CC2D2B: variants seen among roughly 807,000 people sequenced by gnomAD.
The protein encoded by CC2D2B is coiled-coil and C2 domain containing 2B, also known as protein CC2D2B.
Under a neutral mutation model 161.2 loss-of-function variants are expected in CC2D2B, and 128 were observed. The observed-to-expected ratio is 0.79, with a 90% CI of 0.69 to 0.92. The LOEUF (loss-of-function observed/expected upper bound fraction) is 0.92, where lower values mean the gene tolerates loss of function less well. Ranked by LOEUF, CC2D2B falls within the 40% of genes least tolerant of loss-of-function variation. The probability of loss-of-function intolerance (pLI) is 0.00; values close to 1 mark genes in which losing one functional copy is unlikely to be tolerated. For missense variants in CC2D2B, 1,173 were observed against 1,375.1 expected, an observed-to-expected ratio of 0.85 and a Z score of 2.32; for synonymous variants, 391 against 449.8, an observed-to-expected ratio of 0.87 and a Z score of 1.65.
intron 11 of CC2D2B, among the ~76,000 whole-genome samples, chr10:95,959,987 G>A (rs970862473): frequency 1.3e-5 from 2 of 152,272 alleles, no homozygotes; most frequent in East Asian, 3.9e-4. Flanking sequence ...ATGGAGAATA[G>A]TGTATTTATT....
At chr10:95,955,673 T>C (rs1037961160) in intron 11 of CC2D2B, among the ~76,000 whole-genome samples, 182 bp downstream of exon 11, 1 of 152,202 alleles carries the variant, frequency 6.6e-6, no homozygotes, top group Non-Finnish European at 1.5e-5. Context: ...AGGGGTGCCA[T>C]GTGAAAATAG....
At position 95,983,696 on chromosome 10, in the gene CC2D2B, G is replaced by T; in HGVS notation, c.2173G>T (p.Ala725Ser). ...EFNFVSEEEM[A>S]KSKRFQLLQL... ...TAACTTCGTTTCTGAAGAGGAAATG[G>T]CAAAGAGTAAACGTTTCCAGCTATT... Residue 725 changes from alanine to serine, a missense_variant, in exon 19 of 35, where the codon GCA becomes TCA. This residue lies in a region of CC2D2B where 277 missense variants were observed against 420.6 expected (regional missense o/e 0.66). Coordinates refer to ENST00000646931, the MANE Select transcript of CC2D2B (RefSeq NM_001349008.3). 8.1e-7 allele frequency: 1 copy of T among 1,230,854 alleles called. No individual in the cohort carries two copies. Among genetic ancestry groups the T allele is most frequent in the Non-Finnish European group, 1.0e-6 (1 of 986,916 alleles). The allele number at this position is 1,230,854 out of a possible 1,614,324, so 76.2% of individuals were successfully genotyped here. A position where few individuals can be genotyped will look rare whatever the true frequency, so the allele number is the denominator to read the frequency against.
Position 95,938,881 on chromosome 10 carries a change from A to G in CC2D2B, c.757A>G (p.Arg253Gly). Residue 253 changes from arginine to glycine, a missense_variant, in exon 9 of 35, where the codon AGG becomes GGG. Physicochemically the swap from Arg to Gly is moderately radical, Grantham distance 125. Coordinates refer to ENST00000646931, the MANE Select transcript of CC2D2B (RefSeq NM_001349008.3). ...KQSWNFRLNV[R>G]KEPLNPLLKT... ...GTCATGGAATTTCAGACTAAATGTA[A>G]GGAAGGAACCTTTAAATCCATTACT... 1.4e-6 allele frequency: 1 copy of G among 714,852 alleles called. No individual in the cohort carries two copies. Among genetic ancestry groups the G allele is most frequent in the Non-Finnish European group, 2.6e-6 (1 of 384,116 alleles). The allele number at this position is 714,852 out of a possible 1,614,324, so 44.3% of individuals were successfully genotyped here. A position where few individuals can be genotyped will look rare whatever the true frequency, so the allele number is the denominator to read the frequency against.
intron 2 of CC2D2B, among the ~76,000 whole-genome samples, chr10:95,917,455 T>C (rs909332518): frequency 1.3e-5 from 2 of 152,122 alleles, no homozygotes; most frequent in East Asian, 1.9e-4. Context: ...CCTTCCTTCC[T>C]TCCATCCGTC....
At chr10:96,025,583 G>A (rs1265634140) in intron 33 of CC2D2B, among the ~76,000 whole-genome samples, 1 of 152,122 alleles carries the variant, frequency 6.6e-6, no homozygotes, top group African/African-American at 2.4e-5. Flanking sequence ...AGGACATGAA[G>A]GTAAATGACC....
chr10:96,005,068 A>G (rs1426802369), intron 25 of CC2D2B, among the ~76,000 whole-genome samples: 1 of 152,232 alleles, frequency 6.6e-6, no homozygotes, highest in Non-Finnish European at 1.5e-5. Flanking sequence ...CAACCATGAT[A>G]AATGCTGAAG....
intron 2 of CC2D2B, among the ~76,000 whole-genome samples, chr10:95,913,948 A>C (rs2098511165): frequency 6.6e-6 from 1 of 152,130 alleles, no homozygotes. Flanking sequence ...TTTACTTTGC[A>C]GAAGCTTTTT....
intron 6 of CC2D2B, among the ~76,000 whole-genome samples, chr10:95,936,971 G>A (rs1212657678): frequency 1.3e-5 from 2 of 152,180 alleles, no homozygotes; most frequent in African/African-American, 4.8e-5. Flanking sequence ...CCCATGTGGA[G>A]ATCCGCCAAA....
chr10:96,006,123 C>T (rs1322346784), intron 25 of CC2D2B, among the ~76,000 whole-genome samples: 3 of 151,546 alleles, frequency 2.0e-5, no homozygotes, highest in Non-Finnish European at 4.4e-5. Context: ...TTTATTTCCA[C>T]TTGTATTTTA....
At chr10:96,016,057 C>G (rs1480000576) in intron 29 of CC2D2B, 144 bp from the exon 30 acceptor site, 2 of 629,118 alleles carry the variant, frequency 3.2e-6, no homozygotes, top group African/African-American at 3.7e-5. Flanking sequence ...GCTGTCTGCT[C>G]TGCTGTCAAC....
At chr10:95,972,027 T>C (rs1184859575) in intron 15 of CC2D2B, 39 bp from the exon 16 acceptor site, 2 of 1,147,810 alleles carry the variant, frequency 1.7e-6, no homozygotes, top group African/African-American at 3.2e-5. Context: ...TTCTGTGTTG[T>C]ATTTTTAGTG....
chr10:95,987,438 C>T (rs2077775334), intron 19 of CC2D2B, among the ~76,000 whole-genome samples: 1 of 152,094 alleles, frequency 6.6e-6, no homozygotes, highest in Non-Finnish European at 1.5e-5. Flanking sequence ...ATTAGAAGAA[C>T]AAGTAACTTA....
At chr10:95,909,838 C>T (rs557630430) in intron 1 of CC2D2B, among the ~76,000 whole-genome samples, 11 of 152,214 alleles carry the variant, frequency 7.2e-5, no homozygotes, top group African/African-American at 2.2e-4. Flanking sequence ...GTCTTGTGCC[C>T]GCAGAATTGA....
chr10:95,993,635 A>G (rs1181069593), intron 22 of CC2D2B, among the ~76,000 whole-genome samples: 4 of 151,534 alleles, frequency 2.6e-5, no homozygotes, highest in Admixed American at 6.6e-5. Flanking sequence ...TTTGTGAAAT[A>G]AAGACATATA....
At chr10:95,916,530 C>T (rs12217589) in intron 2 of CC2D2B, among the ~76,000 whole-genome samples, 42,581 of 151,706 alleles carry the variant, frequency 0.28, 6,559 homozygotes, top group African/African-American at 0.41. Context: ...TTGACATAGA[C>T]ACTTATTGCT....
chr10:95,965,786 TG>T, intron 12 of CC2D2B, 109 bp from the exon 13 acceptor site: 1 of 79,130 alleles, frequency 1.3e-5, no homozygotes, highest in East Asian at 2.5e-4. Flanking sequence ...AGATTGGTTT[TG>T]TGTGTGTGTG....
chr10:96,020,013 A>T (rs752277883), intron 32 of CC2D2B, 189 bp downstream of exon 32: 5 of 499,960 alleles, frequency 1.0e-5, no homozygotes, highest in Non-Finnish European at 1.7e-5. Flanking sequence ...GAAAAAATAA[A>T]TTGAGAAGAA....
chr10:95,968,190 A>G (rs2077009284), intron 14 of CC2D2B, among the ~76,000 whole-genome samples: 1 of 152,170 alleles, frequency 6.6e-6, no homozygotes, highest in Non-Finnish European at 1.5e-5. Context: ...AGGGGTACAC[A>G]GCCTAAAGCT....
At chr10:96,014,611 A>C (rs1262819754) in intron 29 of CC2D2B, among the ~76,000 whole-genome samples, 1 of 152,184 alleles carries the variant, frequency 6.6e-6, no homozygotes, top group African/African-American at 2.4e-5. Flanking sequence ...GACTTAGTAG[A>C]TGTGCGACCT....
Sources: gnomAD v4.1 joint callset for allele counts (sites outside exome capture counted in the v4.1 genomes callset) on GRCh38, gnomAD v4.1.1 for gene constraint, gnomAD v4.1.1 regional missense constraint, MANE v1.5 for transcripts, NCBI Gene and HGNC (gene_info 2026-07-23, HGNC 2026-07-21) for gene names.